PEPD: variants seen among roughly 807,000 people sequenced by gnomAD.
The protein encoded by PEPD is peptidase D, also known as xaa-Pro dipeptidase.
A neutral mutation model predicts 60.7 loss-of-function variants in PEPD; 53 were observed. The observed-to-expected ratio is 0.87, with a 90% CI of 0.70 to 1.10. The LOEUF is 1.10. Among genes scored for constraint, PEPD ranks in the 50% least tolerant of loss-of-function variants. The pLI, the probability that PEPD is intolerant of heterozygous loss-of-function variation, is 0.00. For synonymous variants in PEPD, 267 were observed against 284.1 expected (o/e 0.94, Z 0.60); for missense variants, 711 against 711.9 (o/e 1.00, Z 0.01).
intron 9 of PEPD, among the ~76,000 whole-genome samples, chr19:33,416,175 C>G (rs998792333): frequency 6.6e-6 from 1 of 152,222 alleles, no homozygotes; most frequent in Non-Finnish European, 1.5e-5. Flanking sequence ...TGCCCCCGCA[C>G]AGCTGGGCCA....
At position 33,479,497 on chromosome 19, in the gene PEPD, T is replaced by TAATC. The variant is rs573009313; in HGVS notation, c.504-1408_504-1407insGATT. On this transcript the variant is annotated intron_variant, in intron 6 of 14. Coordinates refer to ENST00000244137, the MANE Select transcript of PEPD (RefSeq NM_000285.4). ...TGTAATGGGGCTTTGTTGTACAGATTATTCTGCCACCTAGGTATTAAGTCT... is the reference window on the plus strand; with the variant it reads ...TGTAATGGGGCTTTGTTGTACAGATTAATCATTCTGCCACCTAGGTATTAAGTCT... 1.5e-3 allele frequency among the ~76,000 whole-genome samples: 223 copies of TAATC among 152,262 alleles called. 2 individuals are homozygous for TAATC. The East Asian group carries it at 0.023, about 16-fold the overall frequency.
intron 5 of PEPD, among the ~76,000 whole-genome samples, chr19:33,492,783 G>C (rs1970524560): frequency 6.6e-6 from 1 of 152,210 alleles, no homozygotes; most frequent in African/African-American, 2.4e-5. Context: ...ACAGGACACA[G>C]CAGGTCCCAG....
At chr19:33,447,903 C>T (rs950624343) in intron 9 of PEPD, among the ~76,000 whole-genome samples, 3 of 152,212 alleles carry the variant, frequency 2.0e-5, no homozygotes, top group African/African-American at 7.2e-5. Context: ...GCGGGAGGTT[C>T]CTGAGGACGC....
At chr19:33,519,606 T>C (rs1212406651) in intron 1 of PEPD, among the ~76,000 whole-genome samples, 1 of 152,160 alleles carries the variant, frequency 6.6e-6, no homozygotes, top group African/African-American at 2.4e-5. Context: ...TCAAAGTACA[T>C]GGGAAAGCCC....
intron 4 of PEPD, among the ~76,000 whole-genome samples, chr19:33,499,837 C>T (rs1274337455): frequency 2.6e-5 from 4 of 152,190 alleles, no homozygotes; most frequent in African/African-American, 7.2e-5. Flanking sequence ...TGGCCACCCC[C>T]GAGCTGGATG....
At chr19:33,413,321 A>T (rs2145366942) in intron 10 of PEPD, among the ~76,000 whole-genome samples, 1 of 152,200 alleles carries the variant, frequency 6.6e-6, no homozygotes, top group East Asian at 1.9e-4. Flanking sequence ...GAGGGAGGGG[A>T]CGCCAAGCAG....
At chr19:33,392,085 C>T (rs1309496260) in intron 12 of PEPD, among the ~76,000 whole-genome samples, 1 of 152,226 alleles carries the variant, frequency 6.6e-6, no homozygotes, top group East Asian at 1.9e-4. Context: ...GCTGGCACGG[C>T]CCCACGAGCT....
intron 5 of PEPD, among the ~76,000 whole-genome samples, chr19:33,492,797 G>T (rs1970524848): frequency 6.6e-6 from 1 of 152,220 alleles, no homozygotes; most frequent in Admixed American, 6.5e-5. Flanking sequence ...GTCCCAGGGA[G>T]ACTCAAGGAT....
At chr19:33,452,237 A>G in intron 9 of PEPD, among the ~76,000 whole-genome samples, 1 of 152,240 alleles carries the variant, frequency 6.6e-6, no homozygotes, top group East Asian at 1.9e-4. Context: ...GGGAAATGAA[A>G]AGAAATACAC....
At chr19:33,514,524 C>G (rs1970990626) in intron 1 of PEPD, among the ~76,000 whole-genome samples, 2 of 151,984 alleles carry the variant, frequency 1.3e-5, no homozygotes, top group South Asian at 4.2e-4. Context: ...AGTCCCTGGC[C>G]TGAGGTTTCC....
At chr19:33,411,826 C>T (rs1036814499) in intron 10 of PEPD, 77 bp from the exon 11 acceptor site, 1 of 876,216 alleles carries the variant, frequency 1.1e-6, no homozygotes, top group Non-Finnish European at 1.9e-6. Context: ...GATGCTCGAT[C>T]CCCTGCCCAT....
chr19:33,477,963 C>G, intron 7 of PEPD, 83 bp downstream of exon 7: 1 of 900,144 alleles, frequency 1.1e-6, no homozygotes, highest in Non-Finnish European at 1.8e-6. Flanking sequence ...CTCTCTGAGA[C>G]GGTGTGGGCA....
At chr19:33,427,265 G>T (rs1255444890) in intron 9 of PEPD, among the ~76,000 whole-genome samples, 1 of 152,188 alleles carries the variant, frequency 6.6e-6, no homozygotes. Flanking sequence ...GTGGCTCATG[G>T]CATCTCTAGC....
At chr19:33,407,338 C>T (rs901709550) in intron 11 of PEPD, among the ~76,000 whole-genome samples, 2 of 152,252 alleles carry the variant, frequency 1.3e-5, no homozygotes, top group African/African-American at 4.8e-5. Flanking sequence ...GTGGACCATG[C>T]GCCCCCTGCC....
chr19:33,434,614 C>T (rs1008487514), intron 9 of PEPD, among the ~76,000 whole-genome samples: 2 of 151,858 alleles, frequency 1.3e-5, no homozygotes, highest in South Asian at 4.2e-4. Context: ...TCTGGCCTCC[C>T]TTGGTCTCGG....
Position 33,404,785 on chromosome 19 carries a change from G to C in PEPD, c.819-2916C>G, listed in dbSNP as rs749760315. ...GGGTATGGAGCTGAAGTCTATTTTCGTGCTCCTCTCAGTTCCCTATCTTTT... is the reference window on the plus strand; with the variant it reads ...GGGTATGGAGCTGAAGTCTATTTTCCTGCTCCTCTCAGTTCCCTATCTTTT... On this transcript the variant is annotated intron_variant, in intron 11 of 14. Coordinates refer to ENST00000244137, the MANE Select transcript of PEPD (RefSeq NM_000285.4). 2.0e-5 allele frequency among the ~76,000 whole-genome samples: 3 copies of C among 151,776 alleles called. No individual in the cohort carries two copies. In the East Asian group the frequency reaches 5.8e-4, roughly 29 times the overall value.
intron 12 of PEPD, among the ~76,000 whole-genome samples, chr19:33,398,464 A>C (rs1968416318): frequency 6.6e-6 from 1 of 152,194 alleles, no homozygotes; most frequent in African/African-American, 2.4e-5. Flanking sequence ...CTGTACGTGA[A>C]GGGTGTCTGA....
chr19:33,458,891 G>A (rs924789849), intron 9 of PEPD, among the ~76,000 whole-genome samples: 16 of 151,584 alleles, frequency 1.1e-4, no homozygotes, highest in Admixed American at 6.6e-5. Context: ...GGCATCTGGG[G>A]CATGTGTCTG....
chr19:33,413,538 C>T (rs1173671055), intron 10 of PEPD, 37 bp downstream of exon 10: 9 of 1,295,660 alleles, frequency 6.9e-6, no homozygotes, highest in South Asian at 1.3e-5. Context: ...CCTCCTCCCA[C>T]TGGTCACCCC....
Sources: allele counts gnomAD v4.1 joint callset (sites outside exome capture counted in the v4.1 genomes callset), GRCh38; gene constraint gnomAD v4.1.1; transcripts MANE v1.5; gene names NCBI Gene and HGNC (gene_info 2026-07-23, HGNC 2026-07-21).